Variants in SEMA3A observed in about 807,000 individuals in gnomAD.
SEMA3A encodes the protein semaphorin 3A, also known as semaphorin-3A.
In SEMA3A, 29 loss-of-function variants were observed where a neutral mutation model predicts 97.9. The observed-to-expected ratio is 0.30, with a 90% CI of 0.22 to 0.40. SEMA3A has a LOEUF of 0.40. Among genes scored for constraint, SEMA3A ranks in the 10% least tolerant of loss-of-function variants. The pLI is 1.00. For synonymous variants in SEMA3A, 321 were observed against 323.7 expected (o/e 0.99, Z 0.09); for missense variants, 763 against 951.3 (o/e 0.80, Z 2.60).
intron 5 of SEMA3A, among the ~76,000 whole-genome samples, chr7:84,058,363 T>C (rs1793079171): frequency 6.6e-6 from 1 of 152,176 alleles, no homozygotes; most frequent in Non-Finnish European, 1.5e-5. Flanking sequence ...GGAAGTGCTG[T>C]AGAAAATATT....
intron 14 of SEMA3A, among the ~76,000 whole-genome samples, chr7:83,980,483 T>C (rs1054041817): frequency 4.7e-5 from 7 of 150,416 alleles, no homozygotes; most frequent in African/African-American, 1.7e-4. Context: ...TGCACGCCTG[T>C]AGTCCCAGCT....
intron 1 of SEMA3A, among the ~76,000 whole-genome samples, chr7:84,180,613 G>A (rs1010518898): frequency 3.4e-4 from 52 of 152,130 alleles, no homozygotes; most frequent in Non-Finnish European, 4.4e-4. Flanking sequence ...ACTTGAACCC[G>A]GGAGGCTGAA....
At chr7:83,991,257 G>A (rs534733844) in intron 12 of SEMA3A, among the ~76,000 whole-genome samples, 202 of 152,036 alleles carry the variant, frequency 1.3e-3, no homozygotes, top group Middle Eastern at 6.8e-3. Flanking sequence ...CGATCATGTC[G>A]TCTGCAAACA....
intron 1 of SEMA3A, among the ~76,000 whole-genome samples, chr7:84,193,024 G>A (rs1798098080): frequency 6.6e-6 from 1 of 151,838 alleles, no homozygotes; most frequent in Non-Finnish European, 1.5e-5. Flanking sequence ...TTTAAAGACA[G>A]TTACTAAATT....
upstream of SEMA3A, chr7:84,195,024 A>AGAGAGAGAGAGAGAGAAAGAGAGAGAG (rs1798179833): frequency 1.4e-5 from 2 of 140,656 alleles, no homozygotes; most frequent in Non-Finnish European, 3.1e-5. Context: ...GAGAGAGAGA[A>AGAGAGAGAGAGAGAGAAAGAGAGAGAG]AGAGAGAGAG....
intron 3 of SEMA3A, among the ~76,000 whole-genome samples, chr7:84,215,618 CCTTA>C (rs148789165): frequency 0.075 from 11,351 of 152,172 alleles, 1,450 homozygotes; most frequent in African/African-American, 0.26. Flanking sequence ...ATATTATATG[CCTTA>C]CTTGTTTATG....
intron 1 of SEMA3A, among the ~76,000 whole-genome samples, chr7:84,403,612 G>A (rs1307720189): frequency 6.6e-6 from 1 of 152,190 alleles, no homozygotes; most frequent in Non-Finnish European, 1.5e-5. Context: ...GTGGGTCCCT[G>A]ACCCCCGAGC....
At chr7:84,339,309 C>T (rs1802108854) in intron 2 of SEMA3A, among the ~76,000 whole-genome samples, 2 of 152,154 alleles carry the variant, frequency 1.3e-5, no homozygotes, top group Admixed American at 1.3e-4. Context: ...TTAGAGACTG[C>T]TTGTGCAATT....
At chr7:84,450,999 G>A (rs1805540191) in intron 1 of SEMA3A, among the ~76,000 whole-genome samples, 1 of 152,064 alleles carries the variant, frequency 6.6e-6, no homozygotes, top group South Asian at 2.1e-4. Flanking sequence ...CTTTGTAGAA[G>A]CTTTTTAATT....
chr7:84,147,697 G>A (rs1796503817), intron 1 of SEMA3A, among the ~76,000 whole-genome samples: 1 of 152,200 alleles, frequency 6.6e-6, no homozygotes, highest in Non-Finnish European at 1.5e-5. Flanking sequence ...GTTGGATAAA[G>A]TAGATATGTT....
intron 1 of SEMA3A, among the ~76,000 whole-genome samples, chr7:84,464,326 G>T (rs1207410697): frequency 1.3e-5 from 2 of 152,268 alleles, no homozygotes; most frequent in African/African-American, 4.8e-5. Flanking sequence ...CCAAAATTGT[G>T]CATTAAGTTA....
intron 1 of SEMA3A, among the ~76,000 whole-genome samples, chr7:84,401,623 A>G (rs1584293619): frequency 1.3e-5 from 2 of 152,330 alleles, no homozygotes; most frequent in African/African-American, 4.8e-5. Flanking sequence ...GCAAAGCTAT[A>G]GTAATGAAAA....
chr7:84,435,789 C>G (rs115096937), intron 1 of SEMA3A, among the ~76,000 whole-genome samples: 1 of 152,046 alleles, frequency 6.6e-6, no homozygotes, highest in African/African-American at 2.4e-5. Context: ...TATCAAACTA[C>G]CAATGTCATT....
At chr7:84,195,030 G>GAGAGAGAGAGAA (rs1798182723), upstream of SEMA3A, 2 of 133,008 alleles carry the variant, frequency 1.5e-5, no homozygotes, top group South Asian at 2.6e-4. Flanking sequence ...GAGAAAGAGA[G>GAGAGAGAGAGAA]AGAGAGAGAG....
At chr7:83,978,734 T>C (rs1789272490) in intron 14 of SEMA3A, among the ~76,000 whole-genome samples, 1 of 152,316 alleles carries the variant, frequency 6.6e-6, no homozygotes, top group Non-Finnish European at 1.5e-5. Context: ...AGAGAACTTG[T>C]GAAACACGAA....
In SEMA3A at chr7:84,410,121, G is replaced by C. The variant is rs191528790; in HGVS notation, c.-245-38221C>G. On this transcript the variant is annotated intron_variant, in intron 1 of 3. Coordinates refer to the SEMA3A transcript ENST00000424555. ...CAAGACTGTTAATTGTTTTGTTCCT[G>C]TATAAGAATCAACAAAAGTAAACTC... Among the ~76,000 whole-genome samples, 406 of 151,998 alleles carry C rather than the reference G, an allele frequency of 2.7e-3. 1 individual carries two copies. The highest frequency in any genetic ancestry group is 4.5e-3 in the Non-Finnish European group (304 of 67,916).
intron 11 of SEMA3A, among the ~76,000 whole-genome samples, chr7:84,002,912 A>G (rs971123926): frequency 2.0e-5 from 3 of 152,128 alleles, no homozygotes; most frequent in African/African-American, 7.2e-5. Context: ...AAAGTTATTA[A>G]TTTTCCAGTA....
intron 3 of SEMA3A, among the ~76,000 whole-genome samples, chr7:84,205,316 G>A (rs575707885): frequency 6.6e-6 from 1 of 152,086 alleles, no homozygotes; most frequent in Non-Finnish European, 1.5e-5. Context: ...AATCCTGATT[G>A]GCTGGTAAAT....
chr7:84,398,190 T>A (rs1244661220), intron 1 of SEMA3A, among the ~76,000 whole-genome samples: 1 of 152,190 alleles, frequency 6.6e-6, no homozygotes, highest in Admixed American at 6.6e-5. Flanking sequence ...ATCCAACAGG[T>A]CTTTTAAGAC....
Sources: gnomAD v4.1 joint callset for allele counts (sites outside exome capture counted in the v4.1 genomes callset) on GRCh38, gnomAD v4.1.1 for gene constraint, MANE v1.5 for transcripts, NCBI Gene and HGNC (gene_info 2026-07-23, HGNC 2026-07-21) for gene names.